GOLGA4: variants seen among roughly 807,000 people sequenced by gnomAD.
GOLGA4 encodes the protein golgin A4.
A neutral mutation model predicts 265.9 loss-of-function variants in GOLGA4; 169 were observed. The observed-to-expected ratio is 0.64, with a 90% CI of 0.56 to 0.72. GOLGA4 has a LOEUF of 0.72. GOLGA4 is among the 30% of genes least tolerant of loss of function. GOLGA4 has a pLI of 0.00. For missense variants in GOLGA4, 2,482 were observed against 2,483.4 expected, an observed-to-expected ratio of 1.00 and a Z score of 0.01; for synonymous variants, 923 against 855.8, an observed-to-expected ratio of 1.08 and a Z score of -1.37.
At chr3:37,266,895 T>A (rs1195308925) in intron 2 of GOLGA4, 2 of 1,288,832 alleles carry the variant, frequency 1.6e-6, no homozygotes, top group Non-Finnish European at 2.0e-6. Flanking sequence ...ATACTATCTT[T>A]GCTTTGGATT....
chr3:37,336,934 A>G (rs1358671112), intron 17 of GOLGA4, among the ~76,000 whole-genome samples: 1 of 152,118 alleles, frequency 6.6e-6, no homozygotes, highest in African/African-American at 2.4e-5. Context: ...TTAAATTGCA[A>G]TATGTATTTA....
chr3:37,258,295 CAT>C (rs368360417), intron 2 of GOLGA4, among the ~76,000 whole-genome samples: 35 of 146,276 alleles, frequency 2.4e-4, no homozygotes, highest in Middle Eastern at 3.6e-3. Context: ...ATATATAGAG[CAT>C]ATATATATAT....
chr3:37,333,324 T>C (rs1173156929), intron 16 of GOLGA4, among the ~76,000 whole-genome samples: 1 of 152,222 alleles, frequency 6.6e-6, no homozygotes, highest in East Asian at 1.9e-4. Flanking sequence ...GTTATGTATA[T>C]ACATAAAGAT....
At chr3:37,267,086 C>CA (rs2096785739) in intron 2 of GOLGA4, 4 of 305,490 alleles carry the variant, frequency 1.3e-5, no homozygotes, top group African/African-American at 2.2e-5. Flanking sequence ...CTAAAAAAAT[C>CA]AGAGAGTAAA....
chr3:37,253,719 T>A (rs2096740253), intron 2 of GOLGA4, among the ~76,000 whole-genome samples: 1 of 151,908 alleles, frequency 6.6e-6, no homozygotes, highest in African/African-American at 2.4e-5. Flanking sequence ...AAAAGTATTT[T>A]AAAAAAGCAA....
intron 20 of GOLGA4, 64 bp from the exon 21 acceptor site, chr3:37,347,129 T>C (rs1276525368): frequency 1.1e-6 from 1 of 914,790 alleles, no homozygotes; most frequent in African/African-American, 1.7e-5. Context: ...AATCTATTTT[T>C]ATAAGTAATA....
At chr3:37,339,551 CCAA>C (rs1321759808) in intron 19 of GOLGA4, among the ~76,000 whole-genome samples, 2 of 152,210 alleles carry the variant, frequency 1.3e-5, no homozygotes, top group African/African-American at 2.4e-5. Context: ...CATATCCTCA[CCAA>C]CAAGTTTTTT....
intron 10 of GOLGA4, among the ~76,000 whole-genome samples, chr3:37,308,220 C>T (rs989396185): frequency 1.1e-4 from 17 of 148,902 alleles, no homozygotes; most frequent in Admixed American, 2.0e-4. Context: ...GCGACAAGAA[C>T]GAAACTCTGT....
intron 10 of GOLGA4, among the ~76,000 whole-genome samples, chr3:37,308,045 C>G (rs2096911968): frequency 6.6e-6 from 1 of 151,958 alleles, no homozygotes; most frequent in Non-Finnish European, 1.5e-5. Context: ...ACCAGCCTGG[C>G]CAACATGGTA....
intron 11 of GOLGA4, among the ~76,000 whole-genome samples, chr3:37,317,255 C>A (rs539434794): frequency 6.6e-6 from 1 of 152,040 alleles, no homozygotes; most frequent in Non-Finnish European, 1.5e-5. Context: ...CTGCATCCTC[C>A]GCCCCCCACG....
chr3:37,256,384 C>T (rs1017233488), intron 2 of GOLGA4, among the ~76,000 whole-genome samples: 1 of 151,890 alleles, frequency 6.6e-6, no homozygotes. Context: ...GCAGGAGAAT[C>T]GCTTGAACCC....
At chr3:37,306,398 T>C (rs758234645) in intron 10 of GOLGA4, among the ~76,000 whole-genome samples, 1 of 152,160 alleles carries the variant, frequency 6.6e-6, no homozygotes, top group Non-Finnish European at 1.5e-5. Context: ...TCAGCTTAAG[T>C]ACATAATGCT....
intron 2 of GOLGA4, among the ~76,000 whole-genome samples, chr3:37,257,903 A>T (rs1180091493): frequency 7.6e-6 from 1 of 131,218 alleles, no homozygotes; most frequent in East Asian, 2.1e-4. Context: ...ACATATATAT[A>T]TATATATATA....
intron 22 of GOLGA4, among the ~76,000 whole-genome samples, chr3:37,359,382 A>G (rs1422973591): frequency 6.6e-6 from 1 of 152,212 alleles, no homozygotes; most frequent in Non-Finnish European, 1.5e-5. Context: ...TTGGGTAACA[A>G]GCATCTCAGA....
At chr3:37,265,861 A>ACC (rs2096782230) in intron 2 of GOLGA4, among the ~76,000 whole-genome samples, 1 of 151,682 alleles carries the variant, frequency 6.6e-6, no homozygotes, top group African/African-American at 2.4e-5. Context: ...ATGTGGTGAA[A>ACC]CCCCGTCTCT....
At chr3:37,320,281 A>G (rs1356994237) in intron 12 of GOLGA4, 4 of 152,184 alleles carry the variant, frequency 2.6e-5, no homozygotes, top group African/African-American at 9.6e-5. Flanking sequence ...AGTGACAAAA[A>G]TGTAATTTGT....
In GOLGA4 at chr3:37,326,704, A is replaced by G. The variant is rs777188063; in HGVS notation, c.4818A>G (p.Lys1606=). 7 of 1,612,884 alleles carry G rather than the reference A, an allele frequency of 4.3e-6. No individual in the cohort carries two copies. The South Asian group carries it at 4.4e-5, about 10-fold the overall frequency. Residue 1606 remains lysine, a synonymous_variant, in exon 14 of 24, where the codon AAA becomes AAG. Transcript: ENST00000361924. ...SMKAELETKK[K]ELEHVNLSVK... is the part of the protein sequence containing the mutation. ...AAGCTGAACTTGAAACTAAGAAGAA[A>G]GAATTAGAACATGTGAATTTAAGTG...
At chr3:37,271,671 T>G (rs561300450) in intron 2 of GOLGA4, among the ~76,000 whole-genome samples, 4 of 152,118 alleles carry the variant, frequency 2.6e-5, no homozygotes, top group Non-Finnish European at 5.9e-5. Flanking sequence ...TCCCACCCCA[T>G]TGGATATTTG....
In GOLGA4 at chr3:37,327,027, AT is replaced by A. The variant is rs2096973473; in HGVS notation, c.5142del (p.Asn1714LysfsTer32). On this transcript the variant is annotated frameshift_variant, in exon 14 of 24. Transcript: ENST00000361924. LOFTEE classifies it high-confidence loss of function. ...ETLIVPRSAK[N>X]VAAYTEQEEA... ...TTAATTGTACCCAGATCAGCAAAAAATGTGGCAGCATATACTGAACAAGAAG... is the reference window on the plus strand; with the variant it reads ...TTAATTGTACCCAGATCAGCAAAAAAGTGGCAGCATATACTGAACAAGAAG... 1 of 1,613,964 alleles carries A rather than the reference AT, an allele frequency of 6.2e-7. No homozygotes were observed. Among genetic ancestry groups the A allele is most frequent in the Non-Finnish European group, 8.5e-7 (1 of 1,179,858 alleles).
Sources: allele counts gnomAD v4.1 joint callset (sites outside exome capture counted in the v4.1 genomes callset), GRCh38; gene constraint gnomAD v4.1.1; transcripts MANE v1.5; gene names NCBI Gene and HGNC (gene_info 2026-07-23, HGNC 2026-07-21).